Variants in FADS2 observed in about 807,000 individuals in gnomAD.
FADS2 encodes the protein acyl-CoA 6-desaturase.
FADS2 carries 18 observed loss-of-function variants against 61.2 expected under a neutral mutation model. The observed-to-expected ratio is 0.29, with a 90% confidence interval of 0.20 to 0.44. The LOEUF is 0.44. Among genes scored for constraint, FADS2 ranks in the 20% least tolerant of loss-of-function variants. The probability of loss-of-function intolerance (pLI) is 1.00; values close to 1 mark genes in which losing one functional copy is unlikely to be tolerated. For missense variants in FADS2, 322 were observed against 572.7 expected (o/e 0.56, Z 4.47); for synonymous variants, 203 against 223.9 (o/e 0.91, Z 0.83).
intron 5 of FADS2, chr11:61,848,589 G>A: frequency 5.8e-6 from 2 of 346,730 alleles, no homozygotes; most frequent in South Asian, 4.1e-5. Context: ...GGCCTCACCT[G>A]TAAATACAGA....
intron 1 of FADS2, among the ~76,000 whole-genome samples, chr11:61,831,856 C>T (rs1419195151): frequency 2.0e-5 from 3 of 152,192 alleles, no homozygotes; most frequent in South Asian, 2.1e-4. Flanking sequence ...GTGCTTCTCT[C>T]GCCTTTTCCT....
chr11:61,837,665 G>A (rs897285595), intron 1 of FADS2, 113 bp from the exon 2 acceptor site: 35 of 717,634 alleles, frequency 4.9e-5, no homozygotes, highest in African/African-American at 2.1e-4. Context: ...AGGAGACCCC[G>A]TTTGGTGTCT....
chr11:61,848,242 C>T lies in FADS2; in HGVS notation c.702C>T (p.Asn234=). The T allele has an allele frequency of 6.2e-7, 1 of 1,614,234 alleles. No homozygotes were observed. Among genetic ancestry groups the T allele is most frequent in the Non-Finnish European group, 8.5e-7 (1 of 1,180,044 alleles). Residue 234 remains asparagine (N), a synonymous_variant, in exon 5 of 12, where the codon AAC becomes AAT. Transcript: ENST00000278840. ...PNIFHKDPDV[N]MLHVFVLGEW... is the part of the protein sequence containing the mutation. ...TCTTCCACAAGGATCCCGATGTGAA[C>T]ATGCTGCACGTGTTTGTTCTGGGCG...
At chr11:61,835,043 A>C (rs11230804) in intron 1 of FADS2, among the ~76,000 whole-genome samples, 2 of 20,420 alleles carry the variant, frequency 9.8e-5, no homozygotes, top group Non-Finnish European at 3.6e-4. Context: ...CTCCCCAGGG[A>C]CTTCTCCCTG....
chr11:61,828,296 G>T, upstream of FADS2: 1 of 1,503,554 alleles, frequency 6.7e-7, no homozygotes, highest in Admixed American at 2.1e-5. This position sits in a 1 kb window ranked among gnomAD's most constrained non-coding sequence, Gnocchi z 6.4. Context: ...AAGAGGGCCC[G>T]GGCTGCACAC....
At chr11:61,843,850 G>T (rs913807401) in intron 4 of FADS2, among the ~76,000 whole-genome samples, 1 of 152,018 alleles carries the variant, frequency 6.6e-6, no homozygotes, top group Non-Finnish European at 1.5e-5. Context: ...TAGTAGAGAT[G>T]GGGTTTCTCC....
chr11:61,823,324 C>A (rs982974515), upstream of FADS2, among the ~76,000 whole-genome samples: 2 of 152,202 alleles, frequency 1.3e-5, no homozygotes, highest in Admixed American at 6.5e-5. Flanking sequence ...CACCTGCAAC[C>A]TGGACCTGCT....
At chr11:61,830,218 A>G (rs1288182813) in intron 1 of FADS2, among the ~76,000 whole-genome samples, 3 of 152,204 alleles carry the variant, frequency 2.0e-5, no homozygotes, top group Non-Finnish European at 4.4e-5. Context: ...TTCTGATTTC[A>G]TAGGTAAATT....
chr11:61,818,584 T>C (rs1005613357), intron 1 of FADS2, among the ~76,000 whole-genome samples: 33 of 152,344 alleles, frequency 2.2e-4, no homozygotes, highest in African/African-American at 7.7e-4. Context: ...TATTGGGATC[T>C]GTTAACACAA....
chr11:61,863,679 C>T (rs1330343415), intron 9 of FADS2, 28 bp from the exon 10 acceptor site: 8 of 1,602,270 alleles, frequency 5.0e-6, no homozygotes, highest in African/African-American at 4.0e-5. Flanking sequence ...TTCCTTTGTT[C>T]CCTGACACTC....
chr11:61,822,375 A>G (rs1231166605), intron 1 of FADS2, among the ~76,000 whole-genome samples: 5 of 152,244 alleles, frequency 3.3e-5, no homozygotes, highest in African/African-American at 1.2e-4. Flanking sequence ...GCCACACATG[A>G]AATTTAGTAT....
chr11:61,828,310 G>T lies in FADS2; in HGVS notation c.-81G>T. 1 of 1,519,222 alleles carries T rather than the reference G, an allele frequency of 6.6e-7. No individual in the cohort carries two copies. The highest frequency in any genetic ancestry group is 1.3e-5 in the South Asian group (1 of 78,746). 94.1% of individuals were successfully genotyped at this position (1,519,222 alleles called of 1,614,324 possible). A position where few individuals can be genotyped will look rare whatever the true frequency, so the allele number is the denominator to read the frequency against. On this transcript the variant is annotated 5_prime_UTR_variant, in exon 1 of 12. Transcript: ENST00000278840. The surrounding 1 kb of genome is among the most constrained non-coding windows in gnomAD (Gnocchi z 6.4). ...GAAGAGGGCCCGGGCTGCACACACC[G>T]GCTGGGAGGCAGCCGTCTGTGCAGC...
Position 61,816,789 on chromosome 11 carries a change from A to T in FADS2, c.141+363A>T. The T allele has an allele frequency of 6.6e-7, 1 of 1,513,210 alleles. No individual in the cohort carries two copies. 93.7% of individuals were successfully genotyped at this position (1,513,210 alleles called of 1,614,324 possible). On this transcript the variant is annotated intron_variant, in intron 1 of 11. Coordinates refer to the FADS2 transcript ENST00000257261. This position sits in a 1 kb window ranked among gnomAD's most constrained non-coding sequence, Gnocchi z 7.0. ...GCCTGGCGACGCCGCGCGCCGGGCC[A>T]GCAGGGGCTGTCAGGCGCGTGCTCG...
At chr11:61,824,256 C>G (rs2067052252), upstream of FADS2, among the ~76,000 whole-genome samples, 1 of 151,366 alleles carries the variant, frequency 6.6e-6, no homozygotes, top group Admixed American at 6.6e-5. Flanking sequence ...TGGCACATGC[C>G]ATGTAATCCC....
chr11:61,825,148 T>C (rs191724128), upstream of FADS2, among the ~76,000 whole-genome samples: 7 of 152,314 alleles, frequency 4.6e-5, no homozygotes, highest in Admixed American at 1.3e-4. Context: ...TAAAATAGAA[T>C]TTTTAATTTT....
chr11:61,864,601 G>T (rs971461881), intron 10 of FADS2, among the ~76,000 whole-genome samples: 56 of 151,678 alleles, frequency 3.7e-4, no homozygotes, highest in African/African-American at 1.3e-3. Context: ...CACCATGTTG[G>T]CCAGGCTGGT....
At chr11:61,820,448 A>C (rs566081127) in intron 1 of FADS2, among the ~76,000 whole-genome samples, 1 of 152,182 alleles carries the variant, frequency 6.6e-6, no homozygotes, top group African/African-American at 2.4e-5. Context: ...CTTTGCATTC[A>C]TGTTTCTTTG....
At chr11:61,825,905 G>A, upstream of FADS2, 1 of 592,880 alleles carries the variant, frequency 1.7e-6, no homozygotes. Flanking sequence ...AAAAAAATTA[G>A]AGGGCAGGGA....
chr11:61,835,330 G>A (rs1435997864), intron 1 of FADS2, among the ~76,000 whole-genome samples: 6 of 151,916 alleles, frequency 3.9e-5, no homozygotes, highest in Non-Finnish European at 7.4e-5. Flanking sequence ...ACCCTTGGGA[G>A]ATCCTTACGT....
Sources: allele counts gnomAD v4.1 joint callset (sites outside exome capture counted in the v4.1 genomes callset), GRCh38; gene constraint gnomAD v4.1.1; non-coding constraint Gnocchi (gnomAD v3.1); transcripts MANE v1.5; gene names NCBI Gene and HGNC (gene_info 2026-07-23, HGNC 2026-07-21).